BCL2L14: variants seen among roughly 807,000 people sequenced by gnomAD.
BCL2L14 encodes the protein BCL2 like 14.
BCL2L14 carries 27 observed loss-of-function variants against 35.3 expected under a neutral mutation model. The ratio of observed to expected loss-of-function variants is 0.76; its 90% confidence interval spans 0.56 to 1.05. BCL2L14 has a LOEUF of 1.05. Ranked by LOEUF, BCL2L14 falls within the 50% of genes least tolerant of loss-of-function variation. BCL2L14 has a pLI of 0.00. For synonymous variants in BCL2L14, 139 were observed against 145.9 expected, an observed-to-expected ratio of 0.95 and a Z score of 0.34; for missense variants, 377 against 382.6, an observed-to-expected ratio of 0.99 and a Z score of 0.12.
chr12:12,062,374 G>A (rs11054655), intron 2 of BCL2L14, among the ~76,000 whole-genome samples: 131,569 of 143,640 alleles, frequency 0.92, 60,611 homozygotes, highest in East Asian at 1. Flanking sequence ...TATTGATGGC[G>A]GTTCCACCAG....
At chr12:12,077,900 A>G (rs1948818315) in intron 1 of BCL2L14, 1 of 391,630 alleles carries the variant, frequency 2.6e-6, no homozygotes, top group African/African-American at 2.1e-5. Flanking sequence ...TGTAGTCCTT[A>G]ACAGACAGCA....
intron 2 of BCL2L14, among the ~76,000 whole-genome samples, chr12:12,060,202 C>T (rs1160093781): frequency 2.0e-5 from 3 of 151,512 alleles, no homozygotes; most frequent in Non-Finnish European, 4.4e-5. Flanking sequence ...ATGACTAGCC[C>T]TCCCCCTCCT....
chr12:12,050,698 AG>A (rs1948339478), intron 1 of BCL2L14, among the ~76,000 whole-genome samples: 1 of 150,690 alleles, frequency 6.6e-6, no homozygotes, highest in African/African-American at 2.4e-5. Flanking sequence ...GCCTATTTAC[AG>A]GGGTGTCCAA....
At chr12:12,088,791 A>G (rs570050820) in intron 3 of BCL2L14, among the ~76,000 whole-genome samples, 4 of 152,126 alleles carry the variant, frequency 2.6e-5, no homozygotes, top group Non-Finnish European at 5.9e-5. Context: ...CCCGATGCAG[A>G]GCGGTAGCCA....
intron 2 of BCL2L14, among the ~76,000 whole-genome samples, chr12:12,056,509 C>G (rs10845462): frequency 0.45 from 68,101 of 151,990 alleles, 16,475 homozygotes; most frequent in East Asian, 0.75. Context: ...CCTGTGTTAT[C>G]TGTAAATAAC....
At chr12:12,061,383 C>T (rs1948523637) in intron 2 of BCL2L14, among the ~76,000 whole-genome samples, 1 of 151,752 alleles carries the variant, frequency 6.6e-6, no homozygotes, top group Admixed American at 6.6e-5. Flanking sequence ...AGATCCCATC[C>T]CACAGCACGC....
chr12:12,068,326 T>C (rs930416275), upstream of BCL2L14: 1 of 396,112 alleles, frequency 2.5e-6, no homozygotes, highest in Admixed American at 4.4e-5. Flanking sequence ...GGACATACTA[T>C]GTGATGTGAT....
At chr12:12,076,816 T>C (rs190767618) in intron 1 of BCL2L14, among the ~76,000 whole-genome samples, 2 of 152,262 alleles carry the variant, frequency 1.3e-5, no homozygotes, top group Non-Finnish European at 2.9e-5. Context: ...AAAGGCAGCA[T>C]CCAGCAGGCC....
chr12:12,079,775 GT>G, intron 2 of BCL2L14, 37 bp downstream of exon 2: 1 of 1,589,054 alleles, frequency 6.3e-7, no homozygotes, highest in Non-Finnish European at 8.6e-7. Flanking sequence ...CCGCTTCCTG[GT>G]TTTTCCCTTC....
intron 2 of BCL2L14, among the ~76,000 whole-genome samples, chr12:12,061,826 T>G (rs142315510): frequency 0.1 from 15,818 of 152,148 alleles, 832 homozygotes; most frequent in Middle Eastern, 0.17. Flanking sequence ...TCAGCATAAT[T>G]CTCATAAAAA....
chr12:12,079,345 C>T lies in BCL2L14; in HGVS notation c.40C>T (p.Leu14=), dbSNP rs2136747591. The T allele has an allele frequency of 6.2e-7, 1 of 1,614,124 alleles. No individual in the cohort carries two copies. The highest frequency in any genetic ancestry group is 2.2e-5 in the East Asian group (1 of 44,878). Reference sequence around the variant, plus strand: ...TGGGTGTGACCTGGAAGAAATCCCCCTAGATGATGATGACCTAAACACCAT... The same window carrying T: ...TGGGTGTGACCTGGAAGAAATCCCCTTAGATGATGATGACCTAAACACCAT... The part of the protein sequence containing the change: ...TSGCDLEEIP[L]DDDDLNTIEF... Residue 14 remains leucine (L), a synonymous_variant, in exon 2 of 6, where the codon CTA becomes TTA. Transcript: ENST00000308721.
intron 1 of BCL2L14, among the ~76,000 whole-genome samples, chr12:12,051,271 GGCAGT>G (rs999478253): frequency 6.6e-6 from 1 of 152,006 alleles, no homozygotes; most frequent in Non-Finnish European, 1.5e-5. Context: ...AGGTCTACTG[GGCAGT>G]GCTAGGCCTG....
chr12:12,050,272 A>C (rs531799079), intron 1 of BCL2L14, among the ~76,000 whole-genome samples: 1 of 152,176 alleles, frequency 6.6e-6, no homozygotes, highest in Non-Finnish European at 1.5e-5. Context: ...AGGAGTCTTG[A>C]AAGAGCCTCA....
chr12:12,052,654 G>A (rs1948374340), intron 2 of BCL2L14, among the ~76,000 whole-genome samples: 1 of 151,958 alleles, frequency 6.6e-6, no homozygotes, highest in African/African-American at 2.4e-5. Context: ...CCATATCTTG[G>A]CTATGGTAAA....
chr12:12,058,168 TCTC>T (rs1948461594), intron 2 of BCL2L14, among the ~76,000 whole-genome samples: 1 of 151,934 alleles, frequency 6.6e-6, no homozygotes. Flanking sequence ...GCCAGGCTGT[TCTC>T]CAACTCTTGA....
At chr12:12,088,664 G>T (rs911584961) in intron 3 of BCL2L14, among the ~76,000 whole-genome samples, 2 of 152,154 alleles carry the variant, frequency 1.3e-5, no homozygotes, top group African/African-American at 2.4e-5. Context: ...CTCACTATCT[G>T]CCTAAATCAT....
chr12:12,060,825 G>A (rs1304634549), intron 2 of BCL2L14, among the ~76,000 whole-genome samples: 28 of 131,274 alleles, frequency 2.1e-4, no homozygotes, highest in Admixed American at 4.1e-4. Context: ...AAGGCTCTCT[G>A]ACTGACTCCT....
chr12:12,079,568 A>C lies in BCL2L14; in HGVS notation c.263A>C (p.Lys88Thr). Residue 88 changes from lysine to threonine, a missense_variant, in exon 2 of 6, where the codon AAG becomes ACG. Transcript: ENST00000308721. ...AGTGAGAAGGCCATAAACCTTGGCA[A>C]GAAAAAGTCTTCTTGGAAAGCATTC... ...QSSEKAINLGKKKSSWKAFFG... is the reference protein window; with the variant it reads ...QSSEKAINLGTKKSSWKAFFG... 1 of 1,614,266 alleles carries C rather than the reference A, an allele frequency of 6.2e-7. No individual in the cohort carries two copies. Among genetic ancestry groups the C allele is most frequent in the Non-Finnish European group, 8.5e-7 (1 of 1,180,058 alleles).
At chr12:12,096,417 C>A (rs1486334281) in intron 5 of BCL2L14, among the ~76,000 whole-genome samples, 1 of 142,718 alleles carries the variant, frequency 7.0e-6, no homozygotes. Context: ...TCCAAGAACA[C>A]CACCACCAAG....
Sources: allele counts gnomAD v4.1 joint callset (sites outside exome capture counted in the v4.1 genomes callset), GRCh38; gene constraint gnomAD v4.1.1; transcripts MANE v1.5; gene names NCBI Gene and HGNC (gene_info 2026-07-23, HGNC 2026-07-21).